SRRM1: variants seen among roughly 807,000 people sequenced by gnomAD.
SRRM1 encodes the protein serine and arginine repetitive matrix 1, also known as serine/arginine repetitive matrix protein 1.
A neutral mutation model predicts 110.2 loss-of-function variants in SRRM1; 19 were observed. That is an observed-to-expected ratio of 0.17 (90% CI 0.12 to 0.25). The LOEUF (loss-of-function observed/expected upper bound fraction) is 0.25. Ranked by LOEUF, SRRM1 falls within the 10% of genes least tolerant of loss-of-function variation. The pLI, the probability that SRRM1 is intolerant of heterozygous loss-of-function variation, is 1.00. For synonymous variants in SRRM1, 443 were observed against 414.9 expected, an observed-to-expected ratio of 1.07 and a Z score of -0.82; for missense variants, 918 against 1,145.8, an observed-to-expected ratio of 0.80 and a Z score of 2.87.
At chr1:24,652,030 ATAT>A (rs1294315427) in intron 6 of SRRM1, among the ~76,000 whole-genome samples, 1 of 26,104 alleles carries the variant, frequency 3.8e-5, no homozygotes, top group East Asian at 1.5e-3. Context: ...TGTACTAAAA[ATAT>A]ATATATATAT....
chr1:24,660,666 T>A, intron 9 of SRRM1, 53 bp from the exon 10 acceptor site: 1 of 911,562 alleles, frequency 1.1e-6, no homozygotes, highest in Non-Finnish European at 1.7e-6. Context: ...AAAAGCATCT[T>A]GTATAGACCT....
chr1:24,658,208 A>ATTTTTTTTTTT (rs573100578), intron 9 of SRRM1, among the ~76,000 whole-genome samples: 2 of 137,516 alleles, frequency 1.5e-5, no homozygotes, highest in African/African-American at 5.7e-5. Flanking sequence ...GATGGTATAA[A>ATTTTTTTTTTT]TTTTTTTTTT....
rs145491097 is a variant in SRRM1, at chr1:24,669,480, C to T, written c.2097C>T (p.Pro699=). Residue 699 remains proline (P), a synonymous_variant, in exon 14 of 17, where the codon CCC becomes CCT. Transcript: ENST00000323848. ...CTCAGACCTCCTCAAGTCCTCCACC[C>T]GTTCGAAGAGGAGCGTCGTCATCAC... The part of the protein sequence containing the change: ...RAPQTSSSPP[P]VRRGASSSPQ... 1.4e-5 allele frequency: 22 copies of T among 1,613,146 alleles called. No homozygotes were observed. Among genetic ancestry groups the T allele is most frequent in the South Asian group, 4.4e-5 (4 of 90,936 alleles).
At chr1:24,656,873 A>G (rs1470734740) in intron 9 of SRRM1, among the ~76,000 whole-genome samples, 2 of 152,330 alleles carry the variant, frequency 1.3e-5, no homozygotes, top group Admixed American at 6.5e-5. Flanking sequence ...GTGTTTTGGC[A>G]TATACTTTTT....
intron 12 of SRRM1, among the ~76,000 whole-genome samples, chr1:24,663,737 A>G (rs1668407594): frequency 6.6e-6 from 1 of 151,548 alleles, no homozygotes; most frequent in South Asian, 2.1e-4. Context: ...ATTAGCTGGG[A>G]GTGTTGGCGC....
chr1:24,649,045 T>A lies in SRRM1; in HGVS notation c.405+16T>A. ...ACAAAGACAGGTAATAACCTTTTCT[T>A]TTCTGTAATGTCGATTTGAGAGTAT... On this transcript the variant is annotated intron_variant, in intron 4 of 16. Transcript: ENST00000323848. 1.2e-6 allele frequency: 2 copies of A among 1,608,490 alleles called. No homozygotes were observed. Among genetic ancestry groups the A allele is most frequent in the Non-Finnish European group, 1.7e-6 (2 of 1,178,270 alleles).
At chr1:24,670,098 A>G in intron 14 of SRRM1, 22 bp from the exon 15 acceptor site, 1 of 1,535,274 alleles carries the variant, frequency 6.5e-7, no homozygotes. Flanking sequence ...TCAATGCTGA[A>G]TGTTTTTTCC....
rs369635682 is a variant in SRRM1, at chr1:24,670,259, C to T, written c.2344C>T (p.Pro782Ser). Residue 782 changes from proline to serine, a missense_variant, in exon 15 of 17, where the codon CCA (proline) becomes TCA (serine). This residue lies in a region of SRRM1 where 357 missense variants were observed against 402.9 expected (regional missense o/e 0.89). Transcript: ENST00000323848. ...QSQSPSTNWSPAVPVKKAKSP... is the reference protein window; with the variant it reads ...QSQSPSTNWSSAVPVKKAKSP... ...TCAGTCACCGTCTACAAACTGGTCACCAGCTGTACCGGTCAAAAAGGCCAA... is the reference window on the plus strand; with the variant it reads ...TCAGTCACCGTCTACAAACTGGTCATCAGCTGTACCGGTCAAAAAGGCCAA... 2.0e-5 allele frequency: 32 copies of T among 1,614,004 alleles called. No homozygotes were observed. The highest frequency in any genetic ancestry group is 2.5e-5 in the Non-Finnish European group (30 of 1,180,030).
intron 10 of SRRM1, 40 bp from the exon 11 acceptor site, chr1:24,661,262 CTATATGCT>C: frequency 6.9e-7 from 1 of 1,459,420 alleles, no homozygotes; most frequent in Non-Finnish European, 9.5e-7. Context: ...TGCAAATTTT[CTATATGCT>C]TAACTAAAGA....
chr1:24,646,591 G>T, intron 2 of SRRM1, 76 bp from the exon 3 acceptor site: 2 of 1,299,868 alleles, frequency 1.5e-6, no homozygotes, highest in Non-Finnish European at 2.1e-6. Flanking sequence ...AAGGAACTTT[G>T]GTAGACAGAA....
intron 12 of SRRM1, among the ~76,000 whole-genome samples, chr1:24,665,454 C>T (rs1669484406): frequency 6.6e-6 from 1 of 150,986 alleles, no homozygotes; most frequent in East Asian, 2.0e-4. Flanking sequence ...AGGCTCACGC[C>T]TGTAATCCCA....
intron 1 of SRRM1, among the ~76,000 whole-genome samples, chr1:24,644,089 C>T (rs1364542033): frequency 2.0e-5 from 3 of 152,310 alleles, no homozygotes; most frequent in South Asian, 2.1e-4. Flanking sequence ...CCTCACCACC[C>T]GCCACCATCG....
chr1:24,665,244 C>T (rs1008686112), intron 12 of SRRM1, among the ~76,000 whole-genome samples: 4 of 151,716 alleles, frequency 2.6e-5, no homozygotes, highest in African/African-American at 7.3e-5. Flanking sequence ...CTGGCCAACA[C>T]GACGGAACCC....
chr1:24,670,948 A>T (rs939230296), intron 15 of SRRM1, among the ~76,000 whole-genome samples: 3 of 152,252 alleles, frequency 2.0e-5, no homozygotes, highest in African/African-American at 7.2e-5. Flanking sequence ...GAGAGCTCAG[A>T]TGGTAGCTAG....
chr1:24,644,630 C>T (rs1444384770), intron 1 of SRRM1, among the ~76,000 whole-genome samples: 2 of 152,176 alleles, frequency 1.3e-5, no homozygotes, highest in Admixed American at 1.3e-4. Flanking sequence ...GAACAACCAG[C>T]TGTTCTTAGG....
At chr1:24,647,057 A>G (rs1390412760) in intron 3 of SRRM1, 2 of 289,072 alleles carry the variant, frequency 6.9e-6, no homozygotes, top group African/African-American at 2.2e-5. Context: ...TTCTAATGAT[A>G]ATGTGATTTA....
chr1:24,649,262 G>A (rs1233195316), intron 4 of SRRM1, among the ~76,000 whole-genome samples: 2 of 152,184 alleles, frequency 1.3e-5, no homozygotes, highest in Non-Finnish European at 1.5e-5. Flanking sequence ...TAATATGTGA[G>A]TGCATGTAGC....
At chr1:24,646,897 A>T in intron 3 of SRRM1, 108 bp downstream of exon 3, 2 of 894,698 alleles carry the variant, frequency 2.2e-6, no homozygotes, top group Non-Finnish European at 3.3e-6. Flanking sequence ...TTATTTTACA[A>T]TGTTTGTTGT....
intron 5 of SRRM1, 78 bp downstream of exon 5, chr1:24,650,164 C>G: frequency 7.5e-7 from 1 of 1,331,876 alleles, no homozygotes; most frequent in East Asian, 2.7e-5. Context: ...AAAAAGGAAT[C>G]TAACAGCGCT....
Sources: allele counts gnomAD v4.1 joint callset (sites outside exome capture counted in the v4.1 genomes callset), GRCh38; gene constraint gnomAD v4.1.1; regional missense constraint gnomAD v4.1.1; transcripts MANE v1.5; gene names NCBI Gene and HGNC (gene_info 2026-07-23, HGNC 2026-07-21).